Variants in RNF144B observed in about 807,000 individuals in gnomAD.
RNF144B encodes the protein ring finger protein 144B.
In RNF144B, 25 loss-of-function variants were observed where a neutral mutation model predicts 40.2. The ratio of observed to expected loss-of-function variants is 0.62; its 90% confidence interval spans 0.45 to 0.87. RNF144B has a LOEUF of 0.87. Ranked by LOEUF, RNF144B falls within the 40% of genes least tolerant of loss-of-function variation. RNF144B has a pLI of 0.00. For synonymous variants in RNF144B, 145 were observed against 136.3 expected, an observed-to-expected ratio of 1.06 and a Z score of -0.44; for missense variants, 365 against 373.7, an observed-to-expected ratio of 0.98 and a Z score of 0.19.
At chr6:18,451,266 G>A (rs12193483) in intron 4 of RNF144B, among the ~76,000 whole-genome samples, 44,889 of 151,848 alleles carry the variant, frequency 0.3, 7,715 homozygotes, top group East Asian at 0.51. Context: ...ATGTGCCCAG[G>A]GTCTCTAACA....
chr6:18,431,202 G>T (rs900932413), intron 3 of RNF144B, among the ~76,000 whole-genome samples: 1 of 151,432 alleles, frequency 6.6e-6, no homozygotes, highest in Admixed American at 6.6e-5. Flanking sequence ...CTCCAGCCTG[G>T]GTGACACAGC....
At chr6:18,454,748 T>G (rs1236631708) in intron 4 of RNF144B, among the ~76,000 whole-genome samples, 1 of 152,212 alleles carries the variant, frequency 6.6e-6, no homozygotes, top group Non-Finnish European at 1.5e-5. Flanking sequence ...TCTCCTTTAT[T>G]TATTTGTCTG....
In RNF144B at chr6:18,458,920, T is replaced by C. The variant is rs1562060217; in HGVS notation, c.537-687T>C. Among the ~76,000 whole-genome samples, 1 of 152,214 alleles carries C rather than the reference T, an allele frequency of 6.6e-6. No individual in the cohort carries two copies. The highest frequency in any genetic ancestry group is 2.4e-5 in the African/African-American group (1 of 41,450). On this transcript the variant is annotated intron_variant, in intron 5 of 7. Transcript: ENST00000259939. This position sits in a 1 kb window ranked among gnomAD's most constrained non-coding sequence, Gnocchi z 4.8. ...TTTTGGAGCATTTTGGATTTCAAATTGTGGACTAGGGATGCTCAACCTGTA... is the reference window on the plus strand; with the variant it reads ...TTTTGGAGCATTTTGGATTTCAAATCGTGGACTAGGGATGCTCAACCTGTA...
rs988092288 is a variant in RNF144B, at chr6:18,434,103, T to G, written c.271-5581T>G. On this transcript the variant is annotated intron_variant, in intron 3 of 7. Transcript: ENST00000259939. The surrounding 1 kb of genome is among the most constrained non-coding windows in gnomAD (Gnocchi z 4.1). ...AAAGCAACTGTAGCAGAAGCATGAT[T>G]TGAAGGACCAAACCTAAGTAAAGTC... Among the ~76,000 whole-genome samples the G allele has an allele frequency of 6.6e-6, 1 of 152,214 alleles. No homozygotes were observed. Among genetic ancestry groups the G allele is most frequent in the African/African-American group, 2.4e-5 (1 of 41,454 alleles).
chr6:18,387,391 G>T lies in RNF144B; in HGVS notation c.-276G>T. ...TCCCGCTGCAACAGTCCCGGGCATC[G>T]CAGCTGCCAGTCAAGGCTAGGAGGC... On this transcript the variant is annotated 5_prime_UTR_variant, in exon 1 of 8. Transcript: ENST00000259939. 1 of 1,161,484 alleles carries T rather than the reference G, an allele frequency of 8.6e-7. No individual in the cohort carries two copies. Among genetic ancestry groups the T allele is most frequent in the Non-Finnish European group, 1.1e-6 (1 of 924,852 alleles). The allele number at this position is 1,161,484 out of a possible 1,614,324, so 71.9% of individuals were successfully genotyped here.
rs1291756913 is a variant in RNF144B at position 18,400,395 on chromosome 6, A to G, written c.165+696A>G. Among the ~76,000 whole-genome samples, 1 of 152,222 alleles carries G rather than the reference A, an allele frequency of 6.6e-6. No individual in the cohort carries two copies. Among genetic ancestry groups the G allele is most frequent in the African/African-American group, 2.4e-5 (1 of 41,454 alleles). ...CTTTATGTACTGAATTTTCATTCAT[A>G]TACTTGTTCATCTTCTACAATGTAC... On this transcript the variant is annotated intron_variant, in intron 2 of 7. Coordinates refer to ENST00000259939, the MANE Select transcript of RNF144B (RefSeq NM_182757.4). This position sits in a 1 kb window ranked among gnomAD's most constrained non-coding sequence, Gnocchi z 5.6.
At chr6:18,452,657 A>C (rs1315678141) in intron 4 of RNF144B, among the ~76,000 whole-genome samples, 1 of 152,170 alleles carries the variant, frequency 6.6e-6, no homozygotes, top group Non-Finnish European at 1.5e-5. Flanking sequence ...TTTAAAAAAA[A>C]ATTTCAAGTT....
chr6:18,393,449 G>A (rs904714928), intron 1 of RNF144B, among the ~76,000 whole-genome samples: 5 of 152,186 alleles, frequency 3.3e-5, no homozygotes, highest in African/African-American at 1.2e-4. Context: ...TGTATTTAGG[G>A]TAGAACTTCA....
intron 4 of RNF144B, among the ~76,000 whole-genome samples, chr6:18,452,501 A>C (rs899470973): frequency 6.6e-6 from 1 of 152,186 alleles, no homozygotes; most frequent in Non-Finnish European, 1.5e-5. Flanking sequence ...GGGAAATTTG[A>C]ATGTGTTTCA....
Position 18,413,047 on chromosome 6 carries a change from A to G in RNF144B, c.165+13348A>G, listed in dbSNP as rs895919942. On this transcript the variant is annotated intron_variant, in intron 2 of 7. Transcript: ENST00000259939. ...ATGCAAGGGTACTATTTTTTCCCCC[A>G]TTTACTCTTCCAGTTTACAGATAAA... is the stretch of plus-strand genomic sequence containing the variant. Among the ~76,000 whole-genome samples, 4 of 152,310 alleles carry G rather than the reference A, an allele frequency of 2.6e-5. No individual in the cohort carries two copies. The East Asian group carries it at 7.7e-4, about 29-fold the overall frequency.
At chr6:18,463,470 T>C (rs1759512826) in intron 7 of RNF144B, 90 bp downstream of exon 7, 1 of 794,324 alleles carries the variant, frequency 1.3e-6, no homozygotes, top group Non-Finnish European at 2.2e-6. Context: ...TATTCCCTCC[T>C]GGGAGGTACC....
chr6:18,397,026 T>C (rs762153520), intron 1 of RNF144B, among the ~76,000 whole-genome samples: 3 of 152,190 alleles, frequency 2.0e-5, no homozygotes, highest in Non-Finnish European at 4.4e-5. Context: ...ACATGGAAAC[T>C]AACCATTAGT....
At chr6:18,389,658 A>G (rs1372219747) in intron 1 of RNF144B, among the ~76,000 whole-genome samples, 1 of 152,180 alleles carries the variant, frequency 6.6e-6, no homozygotes, top group Non-Finnish European at 1.5e-5. Context: ...GAGGTCAGGA[A>G]TCATGCTGAA....
chr6:18,442,673 A>G lies in RNF144B; in HGVS notation c.331+2929A>G, dbSNP rs999313203. On this transcript the variant is annotated intron_variant, in intron 4 of 7. Coordinates refer to ENST00000259939, the MANE Select transcript of RNF144B (RefSeq NM_182757.4). The surrounding 1 kb of genome is among the most constrained non-coding windows in gnomAD (Gnocchi z 4.3). ...CTTCTAAAGCTCTTTCATGATCCCA[A>G]ATTCTGTAGCCATTAACCAATAAGT... is the stretch of plus-strand genomic sequence containing the variant. Among the ~76,000 whole-genome samples the G allele has an allele frequency of 6.6e-6, 1 of 152,118 alleles. No homozygotes were observed. The highest frequency in any genetic ancestry group is 1.5e-5 in the Non-Finnish European group (1 of 68,034).
At position 18,466,469 on chromosome 6, in the gene RNF144B, C is replaced by T. The variant is rs1028620119; in HGVS notation, c.*1402C>T. On this transcript the variant is annotated 3_prime_UTR_variant, in exon 8 of 8. Transcript: ENST00000259939. ...TAATTTAGTTTAAATTTATGTATCA[C>T]CTCATTGTGACTTATTTTTTCCATT... 1.3e-5 allele frequency: 2 copies of T among 152,336 alleles called. No homozygotes were observed. Among genetic ancestry groups the T allele is most frequent in the African/African-American group, 4.8e-5 (2 of 41,280 alleles). 9.4% of individuals were successfully genotyped at this position (152,336 alleles called of 1,614,324 possible). A position where few individuals can be genotyped will look rare whatever the true frequency, so the allele number is the denominator to read the frequency against.
intron 3 of RNF144B, among the ~76,000 whole-genome samples, chr6:18,437,099 C>A (rs1455881757): frequency 6.6e-6 from 1 of 152,098 alleles, no homozygotes; most frequent in Non-Finnish European, 1.5e-5. Context: ...GTATGCTAGG[C>A]TTCCAGACCA....
chr6:18,428,170 G>A (rs987059769), intron 3 of RNF144B, among the ~76,000 whole-genome samples: 1 of 152,140 alleles, frequency 6.6e-6, no homozygotes, highest in Non-Finnish European at 1.5e-5. Flanking sequence ...CCTTGCTGCG[G>A]CCATGTGAAG....
rs1423295332 is a variant in RNF144B, at chr6:18,458,238, G to A, written c.536+879G>A. Reference sequence around the variant, plus strand: ...CAGACATAAGCCACCACACTTGGGCGATACAGAGGGTTTTTATGGCAACAG... The same window carrying A: ...CAGACATAAGCCACCACACTTGGGCAATACAGAGGGTTTTTATGGCAACAG... On this transcript the variant is annotated intron_variant, in intron 5 of 7. Transcript: ENST00000259939. The surrounding 1 kb of genome is among the most constrained non-coding windows in gnomAD (Gnocchi z 4.8). 2.6e-5 allele frequency among the ~76,000 whole-genome samples: 4 copies of A among 152,086 alleles called. No individual in the cohort carries two copies. Among genetic ancestry groups the A allele is most frequent in the African/African-American group, 7.2e-5 (3 of 41,406 alleles).
At position 18,393,064 on chromosome 6, in the gene RNF144B, C is replaced by T. The variant is rs531529924; in HGVS notation, c.-37+5434C>T. 1.2e-4 allele frequency among the ~76,000 whole-genome samples: 18 copies of T among 148,008 alleles called. No individual in the cohort carries two copies. In the South Asian group the frequency reaches 3.2e-3, roughly 26 times the overall value. On this transcript the variant is annotated intron_variant, in intron 1 of 7. Transcript: ENST00000259939. ...TGAACCCAGGAGGCAGAGCTTGCAG[C>T]GAGCCGAGATCGCGCCACTGCACTC... is the stretch of plus-strand genomic sequence containing the variant.
Sources: allele counts gnomAD v4.1 joint callset (sites outside exome capture counted in the v4.1 genomes callset), GRCh38; gene constraint gnomAD v4.1.1; non-coding constraint Gnocchi (gnomAD v3.1); transcripts MANE v1.5; gene names NCBI Gene and HGNC (gene_info 2026-07-23, HGNC 2026-07-21).